Variants in EEFSEC observed in about 807,000 individuals in gnomAD.
The protein encoded by EEFSEC is eukaryotic elongation factor, selenocysteine-tRNA specific, also known as selenocysteine-specific elongation factor.
A neutral mutation model predicts 42.1 loss-of-function variants in EEFSEC; 43 were observed. The ratio of observed to expected loss-of-function variants is 1.02; its 90% confidence interval spans 0.80 to 1.32. EEFSEC has a LOEUF of 1.32. Ranked by LOEUF, EEFSEC falls within the 40% of genes most tolerant of loss-of-function variation. EEFSEC has a pLI of 0.00. For missense variants in EEFSEC, 745 were observed against 803.6 expected (o/e 0.93, Z 0.88); for synonymous variants, 354 against 339.1 (o/e 1.04, Z -0.48).
intron 1 of EEFSEC, among the ~76,000 whole-genome samples, chr3:128,179,153 C>T (rs2065379939): frequency 1.3e-5 from 2 of 152,070 alleles, no homozygotes; most frequent in South Asian, 4.1e-4. Flanking sequence ...ATGAATGGAA[C>T]CTATTTCTGA....
At chr3:128,379,813 C>G (rs1364557981) in intron 6 of EEFSEC, among the ~76,000 whole-genome samples, 1 of 152,254 alleles carries the variant, frequency 6.6e-6, no homozygotes, top group Non-Finnish European at 1.5e-5. Context: ...CCTCCCTCAC[C>G]CCAGATGAGG....
chr3:128,344,848 A>T (rs2067293642), intron 5 of EEFSEC, among the ~76,000 whole-genome samples: 1 of 152,226 alleles, frequency 6.6e-6, no homozygotes, highest in South Asian at 2.1e-4. Flanking sequence ...AAGAGCCACC[A>T]TAGCTTGTGG....
chr3:128,241,031 CT>C (rs1247676530), intron 1 of EEFSEC, among the ~76,000 whole-genome samples: 1 of 152,144 alleles, frequency 6.6e-6, no homozygotes, highest in African/African-American at 2.4e-5. Context: ...CCGCAGGGGG[CT>C]TGTACAGAGC....
intron 6 of EEFSEC, among the ~76,000 whole-genome samples, chr3:128,376,614 A>T (rs1406658600): frequency 6.6e-6 from 1 of 152,160 alleles, no homozygotes; most frequent in African/African-American, 2.4e-5. Context: ...CCCTTCAGCC[A>T]TTGAAAACTG....
chr3:128,393,364 T>G (rs1173630492), intron 6 of EEFSEC, among the ~76,000 whole-genome samples: 7 of 152,190 alleles, frequency 4.6e-5, no homozygotes, highest in Non-Finnish European at 1.0e-4. Flanking sequence ...CACACGCTGG[T>G]GTGTCCCAGA....
chr3:128,202,592 AG>A (rs1349367991), intron 1 of EEFSEC, among the ~76,000 whole-genome samples: 2 of 152,208 alleles, frequency 1.3e-5, no homozygotes, highest in Non-Finnish European at 2.9e-5. Context: ...CTAAGAATAA[AG>A]ATAGTTTTAC....
At chr3:128,412,347 G>A (rs936123021), downstream of EEFSEC, among the ~76,000 whole-genome samples, 2 of 152,226 alleles carry the variant, frequency 1.3e-5, no homozygotes, top group African/African-American at 2.4e-5. Context: ...CTCCTCTGCC[G>A]AGCAGCCTCC....
At chr3:128,330,835 C>A (rs2067120511) in intron 4 of EEFSEC, among the ~76,000 whole-genome samples, 1 of 95,644 alleles carries the variant, frequency 1.0e-5, no homozygotes, top group South Asian at 5.1e-4. Context: ...CCCTCTTCCC[C>A]CCTTCCTCAG....
intron 1 of EEFSEC, among the ~76,000 whole-genome samples, chr3:128,181,797 G>A (rs1398220233): frequency 6.6e-6 from 1 of 152,104 alleles, no homozygotes; most frequent in Non-Finnish European, 1.5e-5. Flanking sequence ...TTTTGTTTTT[G>A]TTTTTCTTTG....
chr3:128,249,301 C>G (rs953192424), intron 2 of EEFSEC, among the ~76,000 whole-genome samples: 1 of 152,020 alleles, frequency 6.6e-6, no homozygotes, highest in Non-Finnish European at 1.5e-5. Flanking sequence ...AAAGAAGAGC[C>G]CACCCAAAGA....
At chr3:128,396,250 G>T (rs1004580084) in intron 6 of EEFSEC, among the ~76,000 whole-genome samples, 2 of 152,196 alleles carry the variant, frequency 1.3e-5, no homozygotes, top group Non-Finnish European at 2.9e-5. Context: ...CGGCGCTAGT[G>T]GAGAAGAGAG....
chr3:128,332,173 C>T (rs2067140942), intron 4 of EEFSEC, among the ~76,000 whole-genome samples: 1 of 151,882 alleles, frequency 6.6e-6, no homozygotes, highest in African/African-American at 2.4e-5. Context: ...TATACACACA[C>T]ATGTGTATGG....
intron 4 of EEFSEC, among the ~76,000 whole-genome samples, chr3:128,297,041 A>G (rs2066714142): frequency 6.6e-6 from 1 of 152,144 alleles, no homozygotes; most frequent in South Asian, 2.1e-4. Flanking sequence ...ATGATATCTG[A>G]GGTGGTGAGT....
chr3:128,295,554 C>A (rs142255694), intron 4 of EEFSEC, among the ~76,000 whole-genome samples: 1,965 of 124,906 alleles, frequency 0.016, 22 homozygotes, highest in Non-Finnish European at 0.024. Flanking sequence ...GGTTTGTTTA[C>A]AAAATAAACA....
At chr3:128,294,896 G>A (rs1410858793) in intron 4 of EEFSEC, among the ~76,000 whole-genome samples, 1 of 152,198 alleles carries the variant, frequency 6.6e-6, no homozygotes, top group East Asian at 1.9e-4. Context: ...TCCAATGTGT[G>A]TTGCTGCCAT....
intron 1 of EEFSEC, among the ~76,000 whole-genome samples, chr3:128,164,221 C>T (rs1420142898): frequency 6.6e-6 from 1 of 152,174 alleles, no homozygotes; most frequent in Non-Finnish European, 1.5e-5. Flanking sequence ...CGTTGCATGG[C>T]TTTGTTTTGG....
At chr3:128,339,422 C>T (rs918361584) in intron 4 of EEFSEC, among the ~76,000 whole-genome samples, 1 of 152,148 alleles carries the variant, frequency 6.6e-6, no homozygotes, top group Non-Finnish European at 1.5e-5. Flanking sequence ...TTTTTGATGG[C>T]AGGTCTTCTG....
chr3:128,388,169 G>A (rs866524365), intron 6 of EEFSEC, among the ~76,000 whole-genome samples: 1 of 152,156 alleles, frequency 6.6e-6, no homozygotes, highest in Non-Finnish European at 1.5e-5. Context: ...CATTGCTCCC[G>A]CTCTTAGAGT....
At chr3:128,395,601 C>T (rs2067971839) in intron 6 of EEFSEC, among the ~76,000 whole-genome samples, 1 of 152,156 alleles carries the variant, frequency 6.6e-6, no homozygotes, top group Non-Finnish European at 1.5e-5. Flanking sequence ...TTTGTCAGGC[C>T]CAGCTTCCTC....
Sources: gnomAD v4.1 joint callset for allele counts (sites outside exome capture counted in the v4.1 genomes callset) on GRCh38, gnomAD v4.1.1 for gene constraint, MANE v1.5 for transcripts, NCBI Gene and HGNC (gene_info 2026-07-23, HGNC 2026-07-21) for gene names.